The following NEBL variants were observed in gnomAD, a reference collection of about 807,000 sequenced individuals.
The protein encoded by NEBL is nebulette.
Under a neutral mutation model 140.2 loss-of-function variants are expected in NEBL, and 122 were observed. The ratio of observed to expected loss-of-function variants is 0.87; its 90% CI spans 0.75 to 1.01. The LOEUF (loss-of-function observed/expected upper bound fraction) is 1.01, where lower values mean the gene tolerates loss of function less well. NEBL is among the 50% of genes least tolerant of loss of function. The probability of loss-of-function intolerance (pLI) is 0.00; values close to 1 mark genes in which losing one functional copy is unlikely to be tolerated. For synonymous variants in NEBL, 436 were observed against 398.9 expected (o/e 1.09, Z -1.11); for missense variants, 1,365 against 1,231.3 (o/e 1.11, Z -1.62).
chr10:21,021,073 T>C (rs897442906), intron 2 of NEBL, among the ~76,000 whole-genome samples: 2 of 152,154 alleles, frequency 1.3e-5, no homozygotes, highest in African/African-American at 4.8e-5. Context: ...TTTTCATTTA[T>C]TATATTAGTG....
In NEBL at chr10:20,781,300, AAGTT is replaced by A. The variant is rs1251175909; in HGVS notation, c.*4443_*4446del. ...TTTCTTCAAAACTGTTACACTCTCAAAGTTAGTCTCGCAAATTAATCATCAACCA... is the reference window on the plus strand; with the variant it reads ...TTTCTTCAAAACTGTTACACTCTCAAAGTCTCGCAAATTAATCATCAACCA... On this transcript the variant is annotated 3_prime_UTR_variant, in exon 28 of 28. Coordinates refer to ENST00000377122, the MANE Select transcript of NEBL (RefSeq NM_006393.3). 6.6e-6 allele frequency: 1 copy of A among 152,570 alleles called. No homozygotes were observed. The highest frequency in any genetic ancestry group is 2.4e-5 in the African/African-American group (1 of 41,438). 9.5% of individuals were successfully genotyped at this position (152,570 alleles called of 1,614,324 possible).
At chr10:21,064,530 C>G (rs897747984) in intron 2 of NEBL, among the ~76,000 whole-genome samples, 14 of 152,162 alleles carry the variant, frequency 9.2e-5, no homozygotes, top group African/African-American at 3.4e-4. Flanking sequence ...CTTTACAAGT[C>G]TCGTTTTATT....
At position 20,905,516 on chromosome 10, in the gene NEBL, C is replaced by T. The variant is rs368897595; in HGVS notation, c.357+56156G>A. Among the ~76,000 whole-genome samples the T allele has an allele frequency of 2.0e-5, 3 of 152,214 alleles. No individual in the cohort carries two copies. In the East Asian group the frequency reaches 5.8e-4, roughly 29 times the overall value. ...CATGAGAACTCACTCACTGTCACAA[C>T]AGCAGCATGTGGGAAACTGCCCCCA... On this transcript the variant is annotated intron_variant, in intron 4 of 6. Coordinates refer to the NEBL transcript ENST00000417816.
At chr10:20,788,160 G>A (rs992766664) in intron 26 of NEBL, among the ~76,000 whole-genome samples, 1 of 152,160 alleles carries the variant, frequency 6.6e-6, no homozygotes, top group Non-Finnish European at 1.5e-5. Flanking sequence ...ACATATGCTT[G>A]TGTGTTTCTC....
chr10:21,133,752 G>A (rs910223959), intron 2 of NEBL, among the ~76,000 whole-genome samples: 2 of 152,154 alleles, frequency 1.3e-5, no homozygotes, highest in Non-Finnish European at 1.5e-5. Flanking sequence ...TAGCCGTGTA[G>A]GGTTTGGTTG....
At chr10:21,027,659 A>G (rs542029733) in intron 2 of NEBL, among the ~76,000 whole-genome samples, 1 of 152,238 alleles carries the variant, frequency 6.6e-6, no homozygotes, top group African/African-American at 2.4e-5. Context: ...AAAAAGCAAA[A>G]GTTGTGACTT....
upstream of NEBL, among the ~76,000 whole-genome samples, chr10:20,901,888 TC>T (rs1439448139): frequency 6.6e-6 from 1 of 152,212 alleles, no homozygotes; most frequent in Non-Finnish European, 1.5e-5. Context: ...GCAAGATAAA[TC>T]ATTTCTTGAA....
intron 2 of NEBL, among the ~76,000 whole-genome samples, chr10:21,124,052 C>G (rs1362174103): frequency 6.6e-6 from 1 of 151,986 alleles, no homozygotes; most frequent in Non-Finnish European, 1.5e-5. Flanking sequence ...CACTGAAATA[C>G]CTCTTGGTAT....
At chr10:20,934,182 CA>C (rs1170333218) in intron 4 of NEBL, among the ~76,000 whole-genome samples, 1 of 152,134 alleles carries the variant, frequency 6.6e-6, no homozygotes, top group Non-Finnish European at 1.5e-5. Context: ...ACGGTCAAAA[CA>C]AAAGGCAAAG....
At chr10:20,789,457 G>T (rs1007703446) in intron 26 of NEBL, among the ~76,000 whole-genome samples, 1 of 152,252 alleles carries the variant, frequency 6.6e-6, no homozygotes, top group East Asian at 1.9e-4. Flanking sequence ...ATACATTTAG[G>T]TTCACCTAGT....
intron 1 of NEBL, among the ~76,000 whole-genome samples, chr10:21,265,542 G>A (rs1424055021): frequency 2.6e-5 from 4 of 152,138 alleles, no homozygotes; most frequent in African/African-American, 9.7e-5. Context: ...CTCAGAAGCA[G>A]GTTTTGATGC....
At position 20,784,209 on chromosome 10, in the gene NEBL, A is replaced by G. The variant is rs112134201; in HGVS notation, c.*1538T>C. On this transcript the variant is annotated 3_prime_UTR_variant, in exon 28 of 28. Coordinates refer to ENST00000377122, the MANE Select transcript of NEBL (RefSeq NM_006393.3). The stretch of plus-strand genomic sequence containing the variant: ...TTTTTCGGTTTTGTCATAGCTGTGA[A>G]GTCAGACCCTAAGTGAATGCCACCC... The G allele has an allele frequency of 3.7e-4, 57 of 152,308 alleles. No individual in the cohort carries two copies. The highest frequency in any genetic ancestry group is 1.3e-3 in the African/African-American group (55 of 41,564). The allele number at this position is 152,308 out of a possible 1,614,324, so 9.4% of individuals were successfully genotyped here.
intron 3 of NEBL, among the ~76,000 whole-genome samples, chr10:21,014,149 G>A (rs1045476979): frequency 6.6e-6 from 1 of 150,918 alleles, no homozygotes; most frequent in African/African-American, 2.4e-5. Context: ...TTAGATTTAG[G>A]GTCTCACTCT....
chr10:20,960,642 T>A (rs1836007747), intron 4 of NEBL, among the ~76,000 whole-genome samples: 1 of 152,056 alleles, frequency 6.6e-6, no homozygotes, highest in Non-Finnish European at 1.5e-5. Flanking sequence ...TTTATATGTG[T>A]GTATATGTGT....
intron 3 of NEBL, among the ~76,000 whole-genome samples, chr10:21,222,524 C>T (rs765180616): frequency 3.9e-5 from 6 of 152,112 alleles, no homozygotes; most frequent in Non-Finnish European, 7.3e-5. Context: ...TTTACTAATA[C>T]CTTATTGCTG....
At chr10:20,871,658 A>G (rs776602383) in intron 5 of NEBL, among the ~76,000 whole-genome samples, 9 of 152,184 alleles carry the variant, frequency 5.9e-5, no homozygotes, top group Non-Finnish European at 1.2e-4. Flanking sequence ...AAACACAATT[A>G]GTATAATTTC....
At chr10:20,824,714 T>C (rs1238143454) in intron 18 of NEBL, among the ~76,000 whole-genome samples, 3 of 152,122 alleles carry the variant, frequency 2.0e-5, no homozygotes, top group African/African-American at 7.2e-5. Context: ...AGAGAAGAAA[T>C]GATATACTGT....
At chr10:20,892,742 A>C (rs1847133985) in intron 2 of NEBL, among the ~76,000 whole-genome samples, 1 of 152,184 alleles carries the variant, frequency 6.6e-6, no homozygotes. Context: ...AGTTTGTTTG[A>C]ATGAGTATGA....
At chr10:20,796,367 G>GAAAAAAAAAAAA (rs57844177) in intron 26 of NEBL, among the ~76,000 whole-genome samples, 9 of 51,512 alleles carry the variant, frequency 1.7e-4, no homozygotes, top group South Asian at 8.5e-4. Context: ...TCTAAAACAA[G>GAAAAAAAAAAAA]AAAAAAAAAA....
Sources: allele counts gnomAD v4.1 joint callset (sites outside exome capture counted in the v4.1 genomes callset), GRCh38; gene constraint gnomAD v4.1.1; transcripts MANE v1.5; gene names NCBI Gene and HGNC (gene_info 2026-07-23, HGNC 2026-07-21).